Variants in PTPRT observed in about 807,000 individuals in gnomAD.
PTPRT encodes the protein protein tyrosine phosphatase receptor type T.
PTPRT carries 56 observed loss-of-function variants against 176.8 expected under a neutral mutation model. The ratio of observed to expected loss-of-function variants is 0.32; its 90% CI spans 0.26 to 0.40. The LOEUF (loss-of-function observed/expected upper bound fraction) is 0.40, where lower values mean the gene tolerates loss of function less well. Ranked by LOEUF, PTPRT falls within the 10% of genes least tolerant of loss-of-function variation. The pLI is 1.00. For missense variants in PTPRT, 1,540 were observed against 1,908.2 expected, an observed-to-expected ratio of 0.81 and a Z score of 3.60; for synonymous variants, 783 against 739.0, an observed-to-expected ratio of 1.06 and a Z score of -0.96.
chr20:42,499,821 A>G (rs192399498), intron 7 of PTPRT, among the ~76,000 whole-genome samples: 9 of 152,228 alleles, frequency 5.9e-5, no homozygotes, highest in African/African-American at 2.2e-4. Context: ...TCAAACCTAC[A>G]TTGTCCAAGG....
chr20:42,633,813 ATATAT>A lies in PTPRT; in HGVS notation c.1153+44048_1153+44052del, dbSNP rs1210686096. 3.7e-3 allele frequency among the ~76,000 whole-genome samples: 312 copies of A among 84,510 alleles called. 9 individuals carry two copies. Among genetic ancestry groups the A allele is most frequent in the Middle Eastern group, 9.9e-3 (2 of 202 alleles). The allele number at this position is 84,510 out of a possible 152,430, so 55.4% of individuals were successfully genotyped here. ...TATATATATATATATATATATATAT[ATATAT>A]AATAAAATATTAATATATTATAATA... On this transcript the variant is annotated intron_variant, in intron 7 of 30. Coordinates refer to ENST00000373187, the MANE Select transcript of PTPRT (RefSeq NM_007050.6).
intron 8 of PTPRT, among the ~76,000 whole-genome samples, chr20:42,462,072 G>T (rs904958026): frequency 2.0e-5 from 3 of 152,038 alleles, no homozygotes; most frequent in Non-Finnish European, 4.4e-5. Flanking sequence ...AAAAGCAAAT[G>T]GTTCATCCAT....
chr20:42,673,711 C>A (rs545265293), intron 7 of PTPRT, among the ~76,000 whole-genome samples: 4 of 152,064 alleles, frequency 2.6e-5, no homozygotes, highest in African/African-American at 9.6e-5. Flanking sequence ...TAATTAGTAC[C>A]CAAATGCCCC....
chr20:42,688,125 C>T (rs925456912), intron 6 of PTPRT: 1 of 152,214 alleles, frequency 6.6e-6, no homozygotes, highest in Non-Finnish European at 1.5e-5. Flanking sequence ...TGGTCCAGTC[C>T]TAGTGATGGG....
Position 43,122,418 on chromosome 20 carries a change from A to G in PTPRT, c.88+67228T>C, listed in dbSNP as rs951772266. 4.6e-5 allele frequency among the ~76,000 whole-genome samples: 7 copies of G among 152,156 alleles called. No individual in the cohort carries two copies. In the East Asian group the frequency reaches 1.3e-3, roughly 29 times the overall value. Reference sequence around the variant, plus strand: ...CAGTCCTAGAAAGGCCTGTCCACAAACATGAAGAGAGCAAGAAACTCCACT... The same window carrying G: ...CAGTCCTAGAAAGGCCTGTCCACAAGCATGAAGAGAGCAAGAAACTCCACT... On this transcript the variant is annotated intron_variant, in intron 1 of 30. Transcript: ENST00000373187.
chr20:42,800,920 C>T (rs1035945937), intron 2 of PTPRT, among the ~76,000 whole-genome samples: 2 of 152,130 alleles, frequency 1.3e-5, no homozygotes, highest in Non-Finnish European at 2.9e-5. Context: ...AGGCTTTTAT[C>T]TCCCTTACCA....
chr20:42,086,822 TG>T (rs1237716602), intron 27 of PTPRT, among the ~76,000 whole-genome samples: 1 of 143,956 alleles, frequency 6.9e-6, no homozygotes, highest in African/African-American at 2.6e-5. Flanking sequence ...GCTCACTAGC[TG>T]TGCAGCCCAG....
intron 9 of PTPRT, among the ~76,000 whole-genome samples, chr20:42,371,954 G>A (rs1032793191): frequency 9.2e-5 from 14 of 152,190 alleles, no homozygotes; most frequent in South Asian, 4.1e-4. Flanking sequence ...GGTCCAGAAT[G>A]TAGTCAGGAC....
At chr20:42,842,257 C>T (rs2078291227) in intron 2 of PTPRT, among the ~76,000 whole-genome samples, 1 of 152,118 alleles carries the variant, frequency 6.6e-6, no homozygotes, top group Admixed American at 6.5e-5. Context: ...CCCCAAAGCT[C>T]CAGGAGACAT....
At position 42,617,523 on chromosome 20, in the gene PTPRT, C is replaced by T. The variant is rs1170389125; in HGVS notation, c.1153+60343G>A. 1.4e-3 allele frequency among the ~76,000 whole-genome samples: 191 copies of T among 135,422 alleles called. 41 individuals are homozygous for T. The highest frequency in any genetic ancestry group is 6.1e-3 in the African/African-American group (183 of 29,852). 88.8% of individuals were successfully genotyped at this position (135,422 alleles called of 152,430 possible). On this transcript the variant is annotated intron_variant, in intron 7 of 30. Coordinates refer to ENST00000373187, the MANE Select transcript of PTPRT (RefSeq NM_007050.6). ...AGCTTCAGAAGGAATGGTACCAGTT[C>T]CTCCTTGTACCTCTGGTAGAATTCA...
chr20:43,007,622 C>A (rs1304161748), intron 1 of PTPRT, among the ~76,000 whole-genome samples: 1 of 152,166 alleles, frequency 6.6e-6, no homozygotes, highest in Non-Finnish European at 1.5e-5. Flanking sequence ...ACTTTTGAGA[C>A]CATTTAAAAT....
chr20:42,782,216 C>T (rs376834765), intron 3 of PTPRT, among the ~76,000 whole-genome samples: 57 of 152,218 alleles, frequency 3.7e-4, no homozygotes, highest in African/African-American at 1.4e-3. Flanking sequence ...CCTGGGAGGT[C>T]TGTAGGCATT....
At chr20:43,172,578 C>T (rs2015029237) in intron 1 of PTPRT, among the ~76,000 whole-genome samples, 1 of 152,212 alleles carries the variant, frequency 6.6e-6, no homozygotes, top group Non-Finnish European at 1.5e-5. Flanking sequence ...CTTATGTTTT[C>T]TTGCATTTAT....
rs576896077 is a variant in PTPRT, at chr20:42,937,996, C to T, written c.89-52064G>A. Among the ~76,000 whole-genome samples the T allele has an allele frequency of 6.6e-5, 10 of 152,216 alleles. No individual in the cohort carries two copies. The South Asian group carries it at 2.1e-3, about 32-fold the overall frequency. On this transcript the variant is annotated intron_variant, in intron 1 of 30. Coordinates refer to ENST00000373187, the MANE Select transcript of PTPRT (RefSeq NM_007050.6). ...TTCAAAACATAATAAAATCATGACT[C>T]ATACAGATATGAAATAAATATGTGT...
intron 9 of PTPRT, among the ~76,000 whole-genome samples, chr20:42,413,217 G>A (rs1166676285): frequency 3.3e-5 from 5 of 151,968 alleles, no homozygotes; most frequent in Admixed American, 3.3e-4. Flanking sequence ...GAAAACACAT[G>A]GAAAAGCTAA....
intron 2 of PTPRT, among the ~76,000 whole-genome samples, chr20:42,797,782 A>G (rs1303987851): frequency 6.6e-6 from 1 of 152,122 alleles, no homozygotes; most frequent in Non-Finnish European, 1.5e-5. Context: ...GGGCCAGGAG[A>G]GTCAGAATCA....
chr20:42,657,943 T>G (rs909109041), intron 7 of PTPRT, among the ~76,000 whole-genome samples: 2 of 151,892 alleles, frequency 1.3e-5, no homozygotes, highest in South Asian at 2.1e-4. Context: ...TTTTTTTACC[T>G]TTTCTTAAGA....
intron 19 of PTPRT, among the ~76,000 whole-genome samples, chr20:42,127,144 C>A (rs188886608): frequency 6.6e-6 from 1 of 152,332 alleles, no homozygotes; most frequent in East Asian, 1.9e-4. Flanking sequence ...CAGGACTAGG[C>A]TGCAACCAAC....
chr20:42,894,186 G>A (rs143057119), intron 1 of PTPRT, among the ~76,000 whole-genome samples: 121 of 152,254 alleles, frequency 7.9e-4, no homozygotes, highest in Admixed American at 1.5e-3. Context: ...TGAGACCACG[G>A]ACAGGTGGAG....
Sources: allele counts gnomAD v4.1 joint callset (sites outside exome capture counted in the v4.1 genomes callset), GRCh38; gene constraint gnomAD v4.1.1; transcripts MANE v1.5; gene names NCBI Gene and HGNC (gene_info 2026-07-23, HGNC 2026-07-21).